The following UBE2D4 variants were observed in gnomAD, a reference collection of about 807,000 sequenced individuals.
The protein encoded by UBE2D4 is ubiquitin conjugating enzyme E2 D4.
A neutral mutation model predicts 23.0 loss-of-function variants in UBE2D4; 17 were observed. The ratio of observed to expected loss-of-function variants is 0.74; its 90% CI spans 0.51 to 1.11. The LOEUF is 1.11. Among genes scored for constraint, UBE2D4 ranks in the 50% least tolerant of loss-of-function variants. UBE2D4 has a pLI of 0.00. For synonymous variants in UBE2D4, 61 were observed against 69.4 expected, an observed-to-expected ratio of 0.88 and a Z score of 0.60; for missense variants, 139 against 181.8, an observed-to-expected ratio of 0.76 and a Z score of 1.35.
rs1417356646 is a variant in UBE2D4, at chr7:43,952,687, G to T, written c.436G>T (p.Ala146Ser). ...RLAREWTQKYAM is the reference protein window; with the variant it reads ...RLAREWTQKYSM ...AGCAAGAGAGTGGACACAAAAATAT[G>T]CTATGTAAGTGCCTTGGAGGTTTTA... is the stretch of plus-strand genomic sequence containing the variant. Residue 146 changes from alanine (A) to serine (S), a missense_variant, in exon 7 of 7, where the codon GCT becomes TCT. By Grantham distance (99) the Ala-to-Ser change is moderately conservative (BLOSUM62 1). Transcript: ENST00000222402. 5.0e-6 allele frequency: 8 copies of T among 1,613,760 alleles called. No homozygotes were observed. In the East Asian group the frequency reaches 1.8e-4, roughly 36 times the overall value.
At chr7:43,941,870 G>C (rs552935812) in intron 2 of UBE2D4, 17 of 152,348 alleles carry the variant, frequency 1.1e-4, no homozygotes, top group Admixed American at 9.2e-4. Context: ...CTTGAGCCCA[G>C]CCTGGGCAAC....
At position 43,953,360 on chromosome 7, in the gene UBE2D4, G is replaced by T. The variant is rs780357541; in HGVS notation, c.*665G>T. Reference sequence around the variant, plus strand: ...AAGCACATAACACCCCATAAGAGATGATTATGTTTTTAGAAGCAAGAGCAA... The same window carrying T: ...AAGCACATAACACCCCATAAGAGATTATTATGTTTTTAGAAGCAAGAGCAA... On this transcript the variant is annotated 3_prime_UTR_variant, in exon 7 of 7. Coordinates refer to ENST00000222402, the MANE Select transcript of UBE2D4 (RefSeq NM_015983.4). 6 of 349,790 alleles carry T rather than the reference G, an allele frequency of 1.7e-5. No homozygotes were observed. The highest frequency in any genetic ancestry group is 3.4e-5 in the Non-Finnish European group (6 of 177,360). The allele number at this position is 349,790 out of a possible 1,614,324, so 21.7% of individuals were successfully genotyped here.
intron 4 of UBE2D4, among the ~76,000 whole-genome samples, chr7:43,945,283 G>A (rs543429867): frequency 3.3e-5 from 5 of 152,278 alleles, no homozygotes; most frequent in Admixed American, 2.6e-4. Flanking sequence ...GTGAGCCACC[G>A]TGCCCAGCCA....
At position 43,951,575 on chromosome 7, in the gene UBE2D4, G is replaced by C. The variant is rs2096002549; in HGVS notation, c.398+883G>C. Among the ~76,000 whole-genome samples, 3 of 151,988 alleles carry C rather than the reference G, an allele frequency of 2.0e-5. No individual in the cohort carries two copies. In the South Asian group the frequency reaches 6.3e-4, roughly 32 times the overall value. ...AGACAAGGTCTCATTCTGTTGCCCA[G>C]TCTGAAGTGCAGTGGTGTGATCACA... On this transcript the variant is annotated intron_variant, in intron 6 of 6. Transcript: ENST00000222402.
intron 5 of UBE2D4, chr7:43,948,974 TG>T (rs2095995184): frequency 4.2e-6 from 2 of 472,544 alleles, no homozygotes; most frequent in African/African-American, 2.0e-5. Context: ...TGCTCAAGAC[TG>T]TCACATGGGT....
At position 43,926,462 on chromosome 7, in the gene UBE2D4, C is replaced by G; in HGVS notation, c.-71C>G. The G allele has an allele frequency of 7.3e-7, 1 of 1,362,440 alleles. No homozygotes were observed. Among genetic ancestry groups the G allele is most frequent in the Non-Finnish European group, 9.6e-7 (1 of 1,037,444 alleles). The allele number at this position is 1,362,440 out of a possible 1,614,324, so 84.4% of individuals were successfully genotyped here. ...CGGCTCCCGGCGTGCAGCTTGGTGG[C>G]GGCTGAGCCGGCAGCGGGCCGCCTC... On this transcript the variant is annotated 5_prime_UTR_variant, in exon 1 of 7. Coordinates refer to ENST00000222402, the MANE Select transcript of UBE2D4 (RefSeq NM_015983.4).
chr7:43,947,024 G>T (rs1207487337), intron 4 of UBE2D4: 2 of 151,970 alleles, frequency 1.3e-5, no homozygotes, highest in African/African-American at 2.4e-5. Flanking sequence ...TGCTATCCCT[G>T]CCTCAGCCCC....
At chr7:43,948,767 C>G in intron 5 of UBE2D4, 30 bp downstream of exon 5, 1 of 1,504,254 alleles carries the variant, frequency 6.6e-7, no homozygotes, top group Non-Finnish European at 9.3e-7. Context: ...GCTCTGTGTG[C>G]TCTTTTACAC....
In UBE2D4 at chr7:43,944,283, C is replaced by G. The variant is rs1241332292; in HGVS notation, c.198+1252C>G. On this transcript the variant is annotated intron_variant, in intron 4 of 6. Coordinates refer to ENST00000222402, the MANE Select transcript of UBE2D4 (RefSeq NM_015983.4). This position sits in a 1 kb window ranked among gnomAD's most constrained non-coding sequence, Gnocchi z 4.0. Reference sequence around the variant, plus strand: ...ATGTTGGCCAAGCTGGTCTCGAACTCCTGGCCTTAGGTGATCCACCCACCT... The same window carrying G: ...ATGTTGGCCAAGCTGGTCTCGAACTGCTGGCCTTAGGTGATCCACCCACCT... The G allele has an allele frequency of 6.6e-6, 1 of 152,194 alleles. No individual in the cohort carries two copies. Among genetic ancestry groups the G allele is most frequent in the Non-Finnish European group, 1.5e-5 (1 of 68,056 alleles). 9.4% of individuals were successfully genotyped at this position (152,194 alleles called of 1,614,324 possible).
intron 1 of UBE2D4, among the ~76,000 whole-genome samples, chr7:43,931,698 T>C (rs942061203): frequency 3.3e-5 from 5 of 151,822 alleles, no homozygotes; most frequent in Non-Finnish European, 5.9e-5. Flanking sequence ...TCCACACTTT[T>C]ATTTATTTAT....
At chr7:43,927,004 C>T (rs2095932854) in intron 1 of UBE2D4, among the ~76,000 whole-genome samples, 1 of 152,166 alleles carries the variant, frequency 6.6e-6, no homozygotes, top group Non-Finnish European at 1.5e-5. Flanking sequence ...AGCGGGGAAG[C>T]TGAAGGGCAG....
chr7:43,948,762 G>T (rs757252301), intron 5 of UBE2D4, 25 bp downstream of exon 5: 3 of 1,545,964 alleles, frequency 1.9e-6, no homozygotes, highest in Non-Finnish European at 2.7e-6. Flanking sequence ...GGCATGCTCT[G>T]TGTGCTCTTT....
At chr7:43,932,984 G>GCATATATATATATATATA (rs1269226650) in intron 1 of UBE2D4, among the ~76,000 whole-genome samples, 46 of 85,808 alleles carry the variant, frequency 5.4e-4, no homozygotes, top group African/African-American at 1.7e-3. Flanking sequence ...AAATGTTAAA[G>GCATATATATATATATATA]TATATATATA....
rs2096010203 is a variant in UBE2D4, at chr7:43,954,817, T to A, written c.*2122T>A. ...ATGTGGTCAGGGAAGGTGGGACTGATTCACATGTTAGAGACAGGTCAGATG... is the reference window on the plus strand; with the variant it reads ...ATGTGGTCAGGGAAGGTGGGACTGAATCACATGTTAGAGACAGGTCAGATG... On this transcript the variant is annotated 3_prime_UTR_variant, in exon 7 of 7. Coordinates refer to ENST00000222402, the MANE Select transcript of UBE2D4 (RefSeq NM_015983.4). 1 of 152,200 alleles carries A rather than the reference T, an allele frequency of 6.6e-6. No individual in the cohort carries two copies. 9.4% of individuals were successfully genotyped at this position (152,200 alleles called of 1,614,324 possible). A position where few individuals can be genotyped will look rare whatever the true frequency, so the allele number is the denominator to read the frequency against.
rs117591249 is a variant in UBE2D4, at chr7:43,955,339, G to A, written c.*2644G>A. On this transcript the variant is annotated 3_prime_UTR_variant, in exon 7 of 7. Coordinates refer to ENST00000222402, the MANE Select transcript of UBE2D4 (RefSeq NM_015983.4). ...AGTGATCAGAAAGGTGCTTGATCTT[G>A]AACAATTGATCCATGATGAAAAAAT... 2 of 152,108 alleles carry A rather than the reference G, an allele frequency of 1.3e-5. No individual in the cohort carries two copies. The highest frequency in any genetic ancestry group is 1.3e-4 in the Admixed American group (2 of 15,270). 9.4% of individuals were successfully genotyped at this position (152,108 alleles called of 1,614,324 possible).
chr7:43,926,910 G>A (rs1386429412), intron 1 of UBE2D4, among the ~76,000 whole-genome samples: 1 of 152,248 alleles, frequency 6.6e-6, no homozygotes, highest in African/African-American at 2.4e-5. Flanking sequence ...CCTAAGGGAT[G>A]AGTAGGAACT....
intron 1 of UBE2D4, among the ~76,000 whole-genome samples, chr7:43,928,363 T>C (rs531805433): frequency 6.6e-6 from 1 of 151,968 alleles, no homozygotes; most frequent in Admixed American, 6.6e-5. Flanking sequence ...TTTCCTTAAT[T>C]CACATTACTG....
intron 6 of UBE2D4, among the ~76,000 whole-genome samples, chr7:43,951,248 C>G (rs578081473): frequency 4.6e-5 from 7 of 152,184 alleles, no homozygotes; most frequent in African/African-American, 1.7e-4. Flanking sequence ...AATTCCGACC[C>G]CCTAGGCCAG....
intron 5 of UBE2D4, chr7:43,949,059 T>C (rs113601468): frequency 4.8e-6 from 2 of 418,510 alleles, no homozygotes; most frequent in Non-Finnish European, 8.5e-6. Flanking sequence ...CATTACCTTC[T>C]CTGTTCCCTC....
Sources: gnomAD v4.1 joint callset for allele counts (sites outside exome capture counted in the v4.1 genomes callset) on GRCh38, gnomAD v4.1.1 for gene constraint, Gnocchi (gnomAD v3.1) non-coding constraint, MANE v1.5 for transcripts, NCBI Gene and HGNC (gene_info 2026-07-23, HGNC 2026-07-21) for gene names.